CELF2: variants seen among roughly 807,000 people sequenced by gnomAD.
CELF2 encodes CUG triplet repeat RNA-binding protein 2.
In CELF2, 8 loss-of-function variants were observed where a neutral mutation model predicts 62.6. The ratio of observed to expected loss-of-function variants is 0.13; its 90% CI spans 0.07 to 0.23. The LOEUF (loss-of-function observed/expected upper bound fraction) is 0.23, where lower values mean the gene tolerates loss of function less well. Ranked by LOEUF, CELF2 falls within the 10% of genes least tolerant of loss-of-function variation. The pLI, the probability that CELF2 is intolerant of heterozygous loss-of-function variation, is 1.00. For missense variants in CELF2, 333 were observed against 671.0 expected (o/e 0.50, Z 5.56); for synonymous variants, 258 against 250.0 (o/e 1.03, Z -0.30).
At chr10:10,707,289 T>C in the CELF2 span, among the ~76,000 whole-genome samples, 4 of 152,186 alleles carry the variant, frequency 2.6e-5, no homozygotes, top group Admixed American at 6.5e-5. Context: ...ATCCTCAATC[T>C]CCAGATAATT....
the CELF2 span, among the ~76,000 whole-genome samples, chr10:10,473,871 A>G: frequency 1.3e-5 from 2 of 152,050 alleles, no homozygotes; most frequent in Admixed American, 1.3e-4. Flanking sequence ...TGAGCTATTG[A>G]CTATTAAATA....
chr10:11,301,701 T>G (rs1466818790), intron 9 of CELF2, among the ~76,000 whole-genome samples: 1 of 150,696 alleles, frequency 6.6e-6, no homozygotes, highest in Non-Finnish European at 1.5e-5. Context: ...AGGGGTTCTC[T>G]GGCCCTGGCC....
the CELF2 span, among the ~76,000 whole-genome samples, chr10:10,731,073 T>C: frequency 6.6e-6 from 1 of 152,152 alleles, no homozygotes; most frequent in African/African-American, 2.4e-5. Context: ...CCAATAATCT[T>C]AACCTTCACA....
At chr10:10,628,103 G>A in the CELF2 span, among the ~76,000 whole-genome samples, 693 of 152,048 alleles carry the variant, frequency 4.6e-3, 5 homozygotes, top group African/African-American at 9.0e-3. Flanking sequence ...GGGTTTTGCC[G>A]TGTTGGCCAA....
In CELF2 at chr10:11,046,102, T is replaced by C. The variant is rs954315129; in HGVS notation, c.74+27939T>C. 1.3e-5 allele frequency among the ~76,000 whole-genome samples: 2 copies of C among 152,226 alleles called. No homozygotes were observed. The highest frequency in any genetic ancestry group is 2.9e-5 in the Non-Finnish European group (2 of 68,036). On this transcript the variant is annotated intron_variant, in intron 1 of 12. Coordinates refer to ENST00000633077, the MANE Select transcript of CELF2 (RefSeq NM_001326342.2). This position sits in a 1 kb window ranked among gnomAD's most constrained non-coding sequence, Gnocchi z 4.6. ...CCAGCTGACTTGAGCTGTCTACACC[T>C]TCCAGCTCTGTTCTATTTGCTGCTG...
At position 11,302,690 on chromosome 10, in the gene CELF2, A is replaced by G. The variant is rs2093879258; in HGVS notation, c.977-11449A>G. The stretch of plus-strand genomic sequence containing the variant: ...GTACTTGGTGTGGCAGCTGCTGTGT[A>G]TAGGTTTCCCCGGGAGAGAAAGTAA... On this transcript the variant is annotated intron_variant, in intron 9 of 12. Transcript: ENST00000633077. This position sits in a 1 kb window ranked among gnomAD's most constrained non-coding sequence, Gnocchi z 5.0. Among the ~76,000 whole-genome samples the G allele has an allele frequency of 6.6e-6, 1 of 152,160 alleles. No individual in the cohort carries two copies. Among genetic ancestry groups the G allele is most frequent in the South Asian group, 2.1e-4 (1 of 4,816 alleles).
intron 3 of CELF2, among the ~76,000 whole-genome samples, chr10:11,248,929 CT>C (rs1231876669): frequency 2.0e-5 from 3 of 152,196 alleles, no homozygotes; most frequent in African/African-American, 4.8e-5. Context: ...AGAGCCCAAG[CT>C]TTTAAATATG....
At chr10:10,826,669 G>A (rs972962908) in intron 1 of CELF2, among the ~76,000 whole-genome samples, 7 of 152,126 alleles carry the variant, frequency 4.6e-5, no homozygotes, top group Admixed American at 6.6e-5. Flanking sequence ...TGAGAAGTTC[G>A]AGATCCAGAT....
In CELF2 at chr10:11,328,632, T is replaced by TA. The variant is rs1489962430; in HGVS notation, c.1439-292dup. Among the ~76,000 whole-genome samples, 20 of 152,172 alleles carry TA rather than the reference T, an allele frequency of 1.3e-4. No individual in the cohort carries two copies. Among genetic ancestry groups the TA allele is most frequent in the African/African-American group, 4.6e-4 (19 of 41,436 alleles). ...AACACAATGATTTGAGCGAGTTCAG[T>TA]AAGTGGAACTGAATTCAGCCAAACA... is the stretch of plus-strand genomic sequence containing the variant. On this transcript the variant is annotated intron_variant, in intron 12 of 12. Transcript: ENST00000633077. This position sits in a 1 kb window ranked among gnomAD's most constrained non-coding sequence, Gnocchi z 6.4.
the CELF2 span, among the ~76,000 whole-genome samples, chr10:10,658,518 A>G: frequency 2.0e-5 from 3 of 152,218 alleles, no homozygotes; most frequent in Non-Finnish European, 4.4e-5. Context: ...GATCTGCAGA[A>G]TTTATAAACA....
the CELF2 span, among the ~76,000 whole-genome samples, chr10:10,495,928 T>G: frequency 6.6e-6 from 1 of 152,234 alleles, no homozygotes; most frequent in African/African-American, 2.4e-5. Flanking sequence ...TATTCCAACC[T>G]GTGTGGAAAT....
At chr10:11,067,039 T>G (rs1382904563) in intron 1 of CELF2, among the ~76,000 whole-genome samples, 2 of 152,190 alleles carry the variant, frequency 1.3e-5, no homozygotes, top group Admixed American at 6.5e-5. Flanking sequence ...CAACTTTGAC[T>G]TCACTCTCAA....
the CELF2 span, among the ~76,000 whole-genome samples, chr10:10,551,383 CTT>C: frequency 6.6e-6 from 1 of 152,100 alleles, no homozygotes; most frequent in Non-Finnish European, 1.5e-5. Context: ...AGCCAGGAGA[CTT>C]TGTGCAGCTG....
the CELF2 span, among the ~76,000 whole-genome samples, chr10:10,602,867 G>A: frequency 1.4e-4 from 21 of 152,116 alleles, no homozygotes; most frequent in African/African-American, 3.9e-4. Context: ...CCACAAAATC[G>A]GTAAATCATG....
At chr10:10,863,463 C>T (rs2133175030) in intron 1 of CELF2, among the ~76,000 whole-genome samples, 1 of 152,268 alleles carries the variant, frequency 6.6e-6, no homozygotes, top group East Asian at 1.9e-4. Context: ...TGTTGACGAG[C>T]TATGTGACCT....
the CELF2 span, among the ~76,000 whole-genome samples, chr10:10,532,075 GC>G: frequency 6.6e-6 from 1 of 152,240 alleles, no homozygotes; most frequent in Non-Finnish European, 1.5e-5. Context: ...TTCCATATTT[GC>G]CTAACGGCAA....
Position 11,211,811 on chromosome 10 carries a change from AGAGTGTGTGTGTGTGT to A in CELF2, c.272-5612_272-5597del, listed in dbSNP as rs1213285427. ...GTGTGTGAGAGAGAGAGAGAGAGAG[AGAGTGTGTGTGTGTGT>A]GTGTGTGTGTGTGTGTGTGTGTGTG... On this transcript the variant is annotated intron_variant, in intron 2 of 12. Coordinates refer to ENST00000633077, the MANE Select transcript of CELF2 (RefSeq NM_001326342.2). This position sits in a 1 kb window ranked among gnomAD's most constrained non-coding sequence, Gnocchi z 4.8. 5.4e-5 allele frequency among the ~76,000 whole-genome samples: 3 copies of A among 56,044 alleles called. No individual in the cohort carries two copies. The highest frequency in any genetic ancestry group is 1.6e-4 in the Admixed American group (1 of 6,346). The allele number at this position is 56,044 out of a possible 152,430, so 36.8% of individuals were successfully genotyped here. A position where few individuals can be genotyped will look rare whatever the true frequency, so the allele number is the denominator to read the frequency against.
chr10:10,892,469 C>T (rs2062214416), intron 1 of CELF2, among the ~76,000 whole-genome samples: 1 of 152,106 alleles, frequency 6.6e-6, no homozygotes, highest in Admixed American at 6.6e-5. Context: ...GGAAGGCACC[C>T]TTTTTTGTTC....
At chr10:10,882,777 T>G (rs2061515072) in intron 1 of CELF2, among the ~76,000 whole-genome samples, 1 of 152,184 alleles carries the variant, frequency 6.6e-6, no homozygotes, top group Non-Finnish European at 1.5e-5. Flanking sequence ...ATTATTTTAT[T>G]CTATTATTCC....
Sources: allele counts gnomAD v4.1 joint callset (sites outside exome capture counted in the v4.1 genomes callset), GRCh38; gene constraint gnomAD v4.1.1; non-coding constraint Gnocchi (gnomAD v3.1); transcripts MANE v1.5; gene names NCBI Gene and HGNC (gene_info 2026-07-23, HGNC 2026-07-21).